The following TBC1D8B variants were observed in gnomAD, a reference collection of about 807,000 sequenced individuals.
TBC1D8B encodes TBC1 domain family member 8B.
A neutral mutation model predicts 82.9 loss-of-function variants in TBC1D8B; 75 were observed. That is an observed-to-expected ratio of 0.90 (90% CI 0.75 to 1.10). The LOEUF is 1.10. Among genes scored for constraint, TBC1D8B ranks in the 50% least tolerant of loss-of-function variants. TBC1D8B has a pLI of 0.00. For missense variants in TBC1D8B, 794 were observed against 796.9 expected (o/e 1.00, Z 0.04); for synonymous variants, 276 against 276.8 (o/e 1.00, Z 0.03).
intron 10 of TBC1D8B, 125 bp from the exon 11 acceptor site, chrX:106,848,061 C>T: frequency 7.8e-6 from 3 of 386,329 alleles, no homozygotes; most frequent in Admixed American, 4.9e-5. Flanking sequence ...CTCATGTTTC[C>T]ACTGTTATTA....
intron 5 of TBC1D8B, among the ~76,000 whole-genome samples, chrX:106,823,886 G>A (rs375235594): frequency 2.7e-5 from 3 of 110,930 alleles, no homozygotes; most frequent in Non-Finnish European, 5.7e-5. Flanking sequence ...AGGCAAGTTC[G>A]TGGAGTCAGT....
intron 1 of TBC1D8B, among the ~76,000 whole-genome samples, chrX:106,803,339 T>A (rs1414857359): frequency 9.0e-6 from 1 of 111,477 alleles, no homozygotes; most frequent in Admixed American, 9.5e-5. Flanking sequence ...AGTTCGCAGT[T>A]GTGAACTTAA....
intron 7 of TBC1D8B, chrX:106,828,744 C>T (rs1393303061): frequency 9.2e-6 from 1 of 108,399 alleles, no homozygotes; most frequent in Admixed American, 9.7e-5. Flanking sequence ...TTCAACAACC[C>T]TTCATGCTAA....
chrX:106,837,955 A>G (rs1014227026), intron 7 of TBC1D8B, among the ~76,000 whole-genome samples: 6 of 111,430 alleles, frequency 5.4e-5, no homozygotes, highest in Non-Finnish European at 7.5e-5. Context: ...CTTATTTAAC[A>G]TTGCATGCCT....
At chrX:106,826,374 C>A in intron 6 of TBC1D8B, 137 bp downstream of exon 6, 1 of 524,358 alleles carries the variant, frequency 1.9e-6, no homozygotes, top group Non-Finnish European at 3.0e-6. Flanking sequence ...AATTATTCTT[C>A]AGAATAAGAG....
intron 12 of TBC1D8B, 140 bp downstream of exon 12, chrX:106,850,450 C>A: frequency 1.7e-6 from 1 of 592,193 alleles, no homozygotes; most frequent in Non-Finnish European, 2.5e-6. Flanking sequence ...GAAAGAGCTA[C>A]ACCTAAAGTC....
At position 106,802,677 on chromosome X, in the gene TBC1D8B, A is replaced by G. The variant is rs1351409731; in HGVS notation, c.-177A>G. The G allele has an allele frequency of 3.4e-6, 2 of 594,861 alleles. No individual in the cohort carries two copies. Among genetic ancestry groups the G allele is most frequent in the Admixed American group, 7.5e-5 (2 of 26,540 alleles). The allele number at this position is 594,861 out of a possible 1,213,427, so 49.0% of individuals were successfully genotyped here. A position where few individuals can be genotyped will look rare whatever the true frequency, so the allele number is the denominator to read the frequency against. The stretch of plus-strand genomic sequence containing the variant: ...GTAGCGCTGTGGGAGGGAATTGGCA[A>G]TCTCTCTGCCTACGTGGGAGAGAAG... On this transcript the variant is annotated 5_prime_UTR_variant, in exon 1 of 21. Coordinates refer to ENST00000357242, the MANE Select transcript of TBC1D8B (RefSeq NM_017752.3).
In TBC1D8B at chrX:106,839,929, G is replaced by T. The variant is rs749965424; in HGVS notation, c.1354-119G>T. ...TCACCCCTGGGTGAATACTGATTTT[G>T]GTTTTCTATGTTCTTAATTTCTATA... is the stretch of plus-strand genomic sequence containing the variant. On this transcript the variant is annotated intron_variant, in intron 8 of 20. Transcript: ENST00000357242. 8.6e-5 allele frequency: 60 copies of T among 695,702 alleles called. 1 individual carries two copies. The South Asian group carries it at 2.0e-3, about 23-fold the overall frequency. The allele number at this position is 695,702 out of a possible 1,213,427, so 57.3% of individuals were successfully genotyped here.
At chrX:106,807,824 G>A (rs780094047) in intron 1 of TBC1D8B, among the ~76,000 whole-genome samples, 6 of 111,265 alleles carry the variant, frequency 5.4e-5, no homozygotes, top group South Asian at 3.8e-4. Flanking sequence ...AGGCCAAGGC[G>A]GGCGGATCAT....
At position 106,850,245 on chromosome X, in the gene TBC1D8B, T is replaced by A. The variant is rs1170730782; in HGVS notation, c.2058T>A (p.Leu686=). The change falls in exon 12 of 21, where the codon CTT becomes CTA. Residue 686 remains leucine, a synonymous_variant. Transcript: ENST00000357242. ...TTTTGCAACTGGGATTGGCAATACTTGACTATAATTTAGACAAACTGCTGA... is the reference window on the plus strand; with the variant it reads ...TTTTGCAACTGGGATTGGCAATACTAGACTATAATTTAGACAAACTGCTGA... The part of the protein sequence containing the change: ...KAILQLGLAI[L]DYNLDKLLTC... 2.5e-6 allele frequency: 3 copies of A among 1,209,745 alleles called. No homozygotes were observed. The African/African-American group carries it at 5.2e-5, about 21-fold the overall frequency.
chrX:106,812,944 G>A (rs1427251076), intron 1 of TBC1D8B, among the ~76,000 whole-genome samples: 1 of 110,847 alleles, frequency 9.0e-6, no homozygotes, highest in African/African-American at 3.3e-5. Flanking sequence ...TGCAACCTCC[G>A]CCTCCCGAGT....
intron 7 of TBC1D8B, chrX:106,828,743 C>T (rs1246801721): frequency 6.5e-5 from 7 of 108,464 alleles, no homozygotes; most frequent in African/African-American, 3.5e-5. Flanking sequence ...ATTCAACAAC[C>T]CTTCATGCTA....
intron 7 of TBC1D8B, chrX:106,828,166 T>C (rs929636424): frequency 9.0e-6 from 1 of 111,193 alleles, no homozygotes; most frequent in African/African-American, 3.3e-5. Context: ...CAAACACCTC[T>C]ACGCAAATAA....
chrX:106,821,871 T>C, intron 3 of TBC1D8B, 106 bp from the exon 4 acceptor site: 1 of 630,125 alleles, frequency 1.6e-6, no homozygotes, highest in Non-Finnish European at 2.4e-6. Context: ...AACCCATGGA[T>C]ATGGAGGGCT....
intron 6 of TBC1D8B, among the ~76,000 whole-genome samples, chrX:106,826,656 G>A (rs986905759): frequency 3.9e-5 from 4 of 101,288 alleles, no homozygotes; most frequent in Non-Finnish European, 7.9e-5. Flanking sequence ...CCACCTGTGA[G>A]TGAGAACATG....
chrX:106,808,633 C>T (rs187128220), intron 1 of TBC1D8B, among the ~76,000 whole-genome samples: 1 of 112,334 alleles, frequency 8.9e-6, no homozygotes, highest in East Asian at 2.8e-4. Context: ...CTTATCATGA[C>T]ATCATTTCCT....
chrX:106,859,235 A>G lies in TBC1D8B; in HGVS notation c.2352+4939A>G, dbSNP rs759200729. Among the ~76,000 whole-genome samples the G allele has an allele frequency of 5.8e-4, 65 of 112,054 alleles. No homozygotes were observed. In the Middle Eastern group the frequency reaches 0.018, roughly 32 times the overall value. On this transcript the variant is annotated intron_variant, in intron 14 of 20. Coordinates refer to ENST00000357242, the MANE Select transcript of TBC1D8B (RefSeq NM_017752.3). ...GAATTTTCTAGAATAGTTTTTTCTA[A>G]TTCTGTGAAGAATGTCATTGGTAGT...
chrX:106,873,739 C>T lies in TBC1D8B; in HGVS notation c.3137C>T (p.Thr1046Ile). ...PTSSAKGFSG[T>I]VCGSGGPSEE... The stretch of plus-strand genomic sequence containing the variant: ...TCATCAGCCAAAGGATTCTCTGGTA[C>T]TGTCTGTGGTTCTGGAGGACCCAGT... Residue 1046 changes from threonine to isoleucine, a missense_variant, in exon 21 of 21, where the codon ACT (threonine) becomes ATT (isoleucine). Thr to Ile is a moderately conservative substitution (Grantham distance 89). Coordinates refer to ENST00000357242, the MANE Select transcript of TBC1D8B (RefSeq NM_017752.3). The T allele has an allele frequency of 1.7e-6, 2 of 1,211,765 alleles. No individual in the cohort carries two copies. Among genetic ancestry groups the T allele is most frequent in the Non-Finnish European group, 2.2e-6 (2 of 895,511 alleles).
chrX:106,822,415 G>A (rs1931721257), intron 4 of TBC1D8B, among the ~76,000 whole-genome samples: 1 of 111,559 alleles, frequency 9.0e-6, no homozygotes, highest in Admixed American at 9.5e-5. Flanking sequence ...CTTGCATATC[G>A]TGGGAAGTGA....
Sources: allele counts gnomAD v4.1 joint callset (sites outside exome capture counted in the v4.1 genomes callset), GRCh38; gene constraint gnomAD v4.1.1; transcripts MANE v1.5; gene names NCBI Gene and HGNC (gene_info 2026-07-23, HGNC 2026-07-21).